Variants in PALM2AKAP2 observed in about 807,000 individuals in gnomAD.
The protein encoded by PALM2AKAP2 is PALM2 and AKAP2 fusion, also known as PALM2-AKAP2 fusion protein.
PALM2AKAP2 carries 37 observed loss-of-function variants against 71.5 expected under a neutral mutation model. The observed-to-expected ratio is 0.52, with a 90% CI of 0.40 to 0.68. PALM2AKAP2 has a LOEUF of 0.68. PALM2AKAP2 is among the 30% of genes least tolerant of loss of function. The probability of loss-of-function intolerance (pLI) is 0.00; values close to 1 mark genes in which losing one functional copy is unlikely to be tolerated. For synonymous variants in PALM2AKAP2, 468 were observed against 478.8 expected, an observed-to-expected ratio of 0.98 and a Z score of 0.29; for missense variants, 1,224 against 1,191.8, an observed-to-expected ratio of 1.03 and a Z score of -0.40.
At chr9:109,855,449 G>A (rs770942183) in intron 1 of PALM2AKAP2, among the ~76,000 whole-genome samples, 23 of 152,212 alleles carry the variant, frequency 1.5e-4, no homozygotes, top group Non-Finnish European at 4.4e-5. Flanking sequence ...TACTGATTCA[G>A]GCCCAGTATG....
intron 1 of PALM2AKAP2, among the ~76,000 whole-genome samples, chr9:109,823,497 T>C (rs1828065250): frequency 6.6e-6 from 1 of 152,188 alleles, no homozygotes; most frequent in Admixed American, 6.5e-5. Context: ...AGCTTTCAAT[T>C]ATTTAAAGGA....
In PALM2AKAP2 at chr9:110,016,057, G is replaced by A; in HGVS notation, c.582+18G>A. On this transcript the variant is annotated intron_variant, in intron 7 of 9. Coordinates refer to the PALM2AKAP2 transcript ENST00000302798. ...CTATCAAGGTAAGGGATTCTCTTCA[G>A]GTTGATTCTCAAAGTGTATCTCTAG... The A allele has an allele frequency of 6.2e-7, 1 of 1,609,798 alleles. No homozygotes were observed.
chr9:109,967,146 C>T (rs537817144), intron 6 of PALM2AKAP2, among the ~76,000 whole-genome samples: 1 of 152,154 alleles, frequency 6.6e-6, no homozygotes, highest in African/African-American at 2.4e-5. Context: ...TCCTCCCCCT[C>T]GTGTCCGGTG....
intron 1 of PALM2AKAP2, among the ~76,000 whole-genome samples, chr9:109,641,922 G>GA (rs1027938829): frequency 6.6e-5 from 10 of 152,218 alleles, no homozygotes; most frequent in African/African-American, 2.4e-4. Context: ...AAGCAGAAGT[G>GA]AGAGATGGTG....
chr9:109,895,100 G>A (rs1830170534), intron 3 of PALM2AKAP2, among the ~76,000 whole-genome samples: 1 of 152,178 alleles, frequency 6.6e-6, no homozygotes. Flanking sequence ...GATTTTCCTG[G>A]CACAAAACCC....
intron 1 of PALM2AKAP2, among the ~76,000 whole-genome samples, chr9:109,698,042 C>T (rs968184346): frequency 2.0e-5 from 3 of 152,194 alleles, no homozygotes; most frequent in African/African-American, 7.2e-5. Flanking sequence ...AAGAATCAAA[C>T]ATACTGGATT....
chr9:110,136,331 C>T, exon 2 of PALM2AKAP2: 1 of 1,614,152 alleles, frequency 6.2e-7, no homozygotes, highest in Non-Finnish European at 8.5e-7. Context: ...TTTCTATTCA[C>T]CCCCGCATAA....
intron 3 of PALM2AKAP2, among the ~76,000 whole-genome samples, chr9:109,881,559 G>T (rs1367757528): frequency 2.0e-5 from 3 of 152,148 alleles, no homozygotes; most frequent in Non-Finnish European, 4.4e-5. Flanking sequence ...ACTTTGTATT[G>T]TCTGCTTTCA....
chr9:110,133,664 G>T (rs905536859), intron 1 of PALM2AKAP2, among the ~76,000 whole-genome samples: 1 of 149,934 alleles, frequency 6.7e-6, no homozygotes, highest in Non-Finnish European at 1.5e-5. Context: ...ACTACCCTCC[G>T]CCCACCCCGG....
At chr9:109,703,773 T>C (rs990171483) in intron 1 of PALM2AKAP2, among the ~76,000 whole-genome samples, 1 of 152,154 alleles carries the variant, frequency 6.6e-6, no homozygotes, top group Non-Finnish European at 1.5e-5. Flanking sequence ...TATTTGTTAA[T>C]GATGGGCAGG....
At chr9:109,684,039 T>C (rs966093617) in intron 1 of PALM2AKAP2, among the ~76,000 whole-genome samples, 16 of 152,256 alleles carry the variant, frequency 1.1e-4, no homozygotes, top group East Asian at 1.9e-4. Context: ...TGAGCTGATA[T>C]TATTATAATG....
At chr9:109,959,900 A>C (rs1346081235) in intron 6 of PALM2AKAP2, among the ~76,000 whole-genome samples, 1 of 152,108 alleles carries the variant, frequency 6.6e-6, no homozygotes, top group Admixed American at 6.5e-5. Flanking sequence ...TTGTGAGCGT[A>C]CAAGCATCCA....
intron 1 of PALM2AKAP2, among the ~76,000 whole-genome samples, chr9:110,082,442 G>T (rs1168625886): frequency 6.6e-6 from 1 of 152,150 alleles, no homozygotes; most frequent in Admixed American, 6.5e-5. Context: ...TCACCCTTGA[G>T]ATCACCTATA....
chr9:110,036,182 G>A (rs577095113), intron 7 of PALM2AKAP2, among the ~76,000 whole-genome samples: 1 of 152,154 alleles, frequency 6.6e-6, no homozygotes, highest in South Asian at 2.1e-4. Flanking sequence ...TGATCCACCC[G>A]CCTTGGCCTC....
intron 1 of PALM2AKAP2, among the ~76,000 whole-genome samples, chr9:109,729,341 G>A (rs997308401): frequency 2.0e-5 from 3 of 152,096 alleles, no homozygotes; most frequent in Non-Finnish European, 4.4e-5. Context: ...ATTTAAAACC[G>A]CTGATTAATT....
chr9:109,924,659 CAA>C (rs1268696757), intron 4 of PALM2AKAP2, among the ~76,000 whole-genome samples: 1 of 152,030 alleles, frequency 6.6e-6, no homozygotes, highest in African/African-American at 2.4e-5. Context: ...TGCCGTGTAT[CAA>C]AGAGTAGAGT....
chr9:109,758,733 C>G (rs961137857), intron 1 of PALM2AKAP2, among the ~76,000 whole-genome samples: 2 of 152,006 alleles, frequency 1.3e-5, no homozygotes, highest in Non-Finnish European at 2.9e-5. Context: ...CTTCTCCCAG[C>G]TTTAACATGT....
upstream of PALM2AKAP2, among the ~76,000 whole-genome samples, chr9:110,046,267 G>A (rs2132480773): frequency 6.6e-6 from 1 of 152,122 alleles, no homozygotes; most frequent in South Asian, 2.1e-4. Flanking sequence ...TTTAATCATG[G>A]CTACCTCTTT....
chr9:110,126,104 G>A (rs1588123380), intron 1 of PALM2AKAP2, among the ~76,000 whole-genome samples: 1 of 152,150 alleles, frequency 6.6e-6, no homozygotes, highest in East Asian at 1.9e-4. Context: ...TGGTTTTGGG[G>A]GGAATGTGTG....
Sources: allele counts gnomAD v4.1 joint callset (sites outside exome capture counted in the v4.1 genomes callset), GRCh38; gene constraint gnomAD v4.1.1; transcripts MANE v1.5; gene names NCBI Gene and HGNC (gene_info 2026-07-23, HGNC 2026-07-21).